Variants in MRPL14 observed in about 807,000 individuals in gnomAD.
MRPL14 encodes the protein large ribosomal subunit protein uL14m.
A neutral mutation model predicts 10.9 loss-of-function variants in MRPL14; 8 were observed. The ratio of observed to expected loss-of-function variants is 0.74; its 90% CI spans 0.43 to 1.33. The LOEUF is 1.33. Among genes scored for constraint, MRPL14 ranks in the 40% most tolerant of loss-of-function variants. MRPL14 has a pLI of 0.01. For synonymous variants in MRPL14, 82 were observed against 74.1 expected, an observed-to-expected ratio of 1.11 and a Z score of -0.54; for missense variants, 179 against 194.5, an observed-to-expected ratio of 0.92 and a Z score of 0.47.
intron 1 of MRPL14, among the ~76,000 whole-genome samples, chr6:44,122,078 T>C (rs944640185): frequency 6.7e-6 from 1 of 149,452 alleles, no homozygotes; most frequent in African/African-American, 2.5e-5. Flanking sequence ...CAGAGAGCTC[T>C]TCCCCCCCCT....
chr6:44,116,216 G>A (rs568700000), intron 2 of MRPL14, among the ~76,000 whole-genome samples: 43 of 152,328 alleles, frequency 2.8e-4, no homozygotes, highest in East Asian at 2.7e-3. Flanking sequence ...AAAAAATTCC[G>A]TTTTTAAAAG....
intron 2 of MRPL14, among the ~76,000 whole-genome samples, chr6:44,116,182 A>G (rs1344269680): frequency 6.6e-6 from 1 of 152,212 alleles, no homozygotes; most frequent in Non-Finnish European, 1.5e-5. Flanking sequence ...TCTTGGTAAT[A>G]AGCATGTATT....
At chr6:44,116,100 C>T (rs1422940431) in intron 2 of MRPL14, among the ~76,000 whole-genome samples, 2 of 152,198 alleles carry the variant, frequency 1.3e-5, no homozygotes, top group South Asian at 2.1e-4. Flanking sequence ...TGCCAACAAG[C>T]GTGCCTCCTG....
intron 1 of MRPL14, among the ~76,000 whole-genome samples, chr6:44,120,002 G>C (rs181624702): frequency 6.6e-6 from 1 of 152,228 alleles, no homozygotes; most frequent in Admixed American, 6.5e-5. Flanking sequence ...GAACTTTCTT[G>C]ACTCAGGTAT....
intron 2 of MRPL14, among the ~76,000 whole-genome samples, chr6:44,114,904 C>T (rs986230961): frequency 2.6e-5 from 4 of 152,172 alleles, no homozygotes; most frequent in South Asian, 2.1e-4. Context: ...CCACCGCGCC[C>T]GGTCCCCTAA....
chr6:44,122,757 G>C (rs995709420), intron 1 of MRPL14, among the ~76,000 whole-genome samples: 1 of 152,066 alleles, frequency 6.6e-6, no homozygotes, highest in South Asian at 2.1e-4. Flanking sequence ...GACACAAAAA[G>C]GACAAACTCT....
At chr6:44,117,596 T>G (rs1288697535) in intron 1 of MRPL14, among the ~76,000 whole-genome samples, 1 of 152,148 alleles carries the variant, frequency 6.6e-6, no homozygotes, top group East Asian at 1.9e-4. Context: ...AGATAAGATT[T>G]TATTTAATAA....
At chr6:44,127,186 AC>A (rs74487768) in intron 1 of MRPL14, 157 bp downstream of exon 1, 7,836 of 111,488 alleles carry the variant, frequency 0.07, 465 homozygotes, top group East Asian at 0.3. Context: ...CCCCGTCGGG[AC>A]CCCCCCCTCC....
chr6:44,115,823 T>G (rs1229319748), intron 2 of MRPL14, among the ~76,000 whole-genome samples: 1 of 152,118 alleles, frequency 6.6e-6, no homozygotes, highest in Non-Finnish European at 1.5e-5. Context: ...ATCTCCCTTT[T>G]GAGAAGACTG....
In MRPL14 at chr6:44,114,220, G is replaced by GAAAAAAA; in HGVS notation, c.72-18_72-12dup. The GAAAAAAA allele has an allele frequency of 4.1e-6, 6 of 1,472,358 alleles. No homozygotes were observed. The highest frequency in any genetic ancestry group is 4.0e-5 in the Admixed American group (2 of 49,642). 91.2% of individuals were successfully genotyped at this position (1,472,358 alleles called of 1,614,324 possible). On this transcript the variant is annotated splice_polypyrimidine_tract_variant and intron_variant, in intron 2 of 2. Transcript: ENST00000372014. ...AGACTCCCAGTGGTGCTGGTGGGAGGAAAAAAAAAAGTCTGCAGTCTGTAT... is the reference window on the plus strand; with the variant it reads ...AGACTCCCAGTGGTGCTGGTGGGAGGAAAAAAAAAAAAAAAAAGTCTGCAGTCTGTAT...
At chr6:44,120,362 A>C (rs1296624190) in intron 1 of MRPL14, among the ~76,000 whole-genome samples, 1 of 152,244 alleles carries the variant, frequency 6.6e-6, no homozygotes, top group Non-Finnish European at 1.5e-5. Context: ...TTCAGAAACC[A>C]GATATTCTGA....
At chr6:44,125,654 CAAAAAAAAAAAAAA>C (rs56951374) in intron 1 of MRPL14, among the ~76,000 whole-genome samples, 11 of 64,598 alleles carry the variant, frequency 1.7e-4, no homozygotes, top group South Asian at 1.3e-3. Flanking sequence ...GAGACTGTCT[CAAAAAAAAAAAAAA>C]AAAAAAAAAA....
Position 44,113,591 on chromosome 6 carries a change from T to A in MRPL14, c.*252A>T, listed in dbSNP as rs879347573. 41 of 358,248 alleles carry A rather than the reference T, an allele frequency of 1.1e-4. No homozygotes were observed. The highest frequency in any genetic ancestry group is 1.8e-4 in the Non-Finnish European group (37 of 200,830). The allele number at this position is 358,248 out of a possible 1,614,324, so 22.2% of individuals were successfully genotyped here. A position where few individuals can be genotyped will look rare whatever the true frequency, so the allele number is the denominator to read the frequency against. ...AGACCCTGGCACCAAGGCTGCTCCA[T>A]GTAAAGAATGCTACCCCGTGTGGCC... On this transcript the variant is annotated 3_prime_UTR_variant, in exon 3 of 3. Coordinates refer to ENST00000372014, the MANE Select transcript of MRPL14 (RefSeq NM_032111.4).
At chr6:44,125,888 C>G (rs939553212) in intron 1 of MRPL14, among the ~76,000 whole-genome samples, 7 of 152,204 alleles carry the variant, frequency 4.6e-5, no homozygotes, top group African/African-American at 1.7e-4. Context: ...CGGGCTTCAT[C>G]TCCATCTTCC....
intron 1 of MRPL14, among the ~76,000 whole-genome samples, chr6:44,126,238 G>A (rs1165094131): frequency 6.6e-6 from 1 of 152,140 alleles, no homozygotes; most frequent in East Asian, 1.9e-4. Flanking sequence ...ACACTCACAC[G>A]TGTGTGTACA....
chr6:44,117,291 T>C (rs12202501), intron 1 of MRPL14, among the ~76,000 whole-genome samples: 13,290 of 152,222 alleles, frequency 0.087, 832 homozygotes, highest in East Asian at 0.25. Context: ...GGAAACCAAC[T>C]TGAAGAGTTA....
intron 1 of MRPL14, 88 bp from the exon 2 acceptor site, chr6:44,116,717 C>T: frequency 2.5e-6 from 2 of 802,260 alleles, no homozygotes; most frequent in Admixed American, 2.0e-5. Flanking sequence ...TGGGAGATGG[C>T]ACTTCCAGCA....
chr6:44,123,676 A>G (rs1232317004), intron 1 of MRPL14, among the ~76,000 whole-genome samples: 1 of 152,226 alleles, frequency 6.6e-6, no homozygotes, highest in African/African-American at 2.4e-5. Context: ...TTCTTGTCCT[A>G]TATTTGTTTA....
intron 2 of MRPL14, 75 bp downstream of exon 2, chr6:44,116,466 A>T: frequency 7.0e-7 from 1 of 1,431,244 alleles, no homozygotes; most frequent in Non-Finnish European, 9.8e-7. Flanking sequence ...CTCCTGTTCT[A>T]GTCACCGTAA....
Sources: allele counts gnomAD v4.1 joint callset (sites outside exome capture counted in the v4.1 genomes callset), GRCh38; gene constraint gnomAD v4.1.1; transcripts MANE v1.5; gene names NCBI Gene and HGNC (gene_info 2026-07-23, HGNC 2026-07-21).